Variants in ASIC2 observed in about 807,000 individuals in gnomAD.
ASIC2 encodes the protein acid sensing ion channel subunit 2, also known as acid-sensing ion channel 2.
ASIC2 carries 25 observed loss-of-function variants against 57.3 expected under a neutral mutation model. The observed-to-expected ratio is 0.44, with a 90% CI of 0.32 to 0.61. ASIC2 has a LOEUF of 0.61. Ranked by LOEUF, ASIC2 falls within the 20% of genes least tolerant of loss-of-function variation. ASIC2 has a pLI of 0.06. For synonymous variants in ASIC2, 319 were observed against 307.5 expected (o/e 1.04, Z -0.39); for missense variants, 641 against 738.1 (o/e 0.87, Z 1.52).
intron 2 of ASIC2, among the ~76,000 whole-genome samples, chr17:33,097,788 C>G (rs1487124807): frequency 6.6e-6 from 1 of 152,192 alleles, no homozygotes; most frequent in Non-Finnish European, 1.5e-5. Flanking sequence ...GTAACACGGA[C>G]CAGAGTCGCA....
In ASIC2 at chr17:33,939,759, G is replaced by A. The variant is rs188394235; in HGVS notation, c.555+216219C>T. ...AAGGTGTCCATTCACTGTTGCCCAC[G>A]GCAGAGCAGGGGTGTGGCCAGCAAT... On this transcript the variant is annotated intron_variant, in intron 1 of 9. Coordinates refer to the ASIC2 transcript ENST00000359872. Among the ~76,000 whole-genome samples, 57 of 152,320 alleles carry A rather than the reference G, an allele frequency of 3.7e-4. No homozygotes were observed. The East Asian group carries it at 5.2e-3, about 14-fold the overall frequency.
chr17:33,910,116 G>T (rs570983573), intron 1 of ASIC2, among the ~76,000 whole-genome samples: 3 of 152,286 alleles, frequency 2.0e-5, no homozygotes, highest in East Asian at 1.9e-4. Flanking sequence ...GGAAATGTTG[G>T]CTATTAATAT....
chr17:33,544,281 A>G (rs1276090044), intron 1 of ASIC2, among the ~76,000 whole-genome samples: 1 of 152,166 alleles, frequency 6.6e-6, no homozygotes, highest in Non-Finnish European at 1.5e-5. Flanking sequence ...TTGTTCGTCC[A>G]CGCACCAGCT....
At chr17:33,339,585 A>G (rs1468571139) in intron 1 of ASIC2, among the ~76,000 whole-genome samples, 1 of 152,198 alleles carries the variant, frequency 6.6e-6, no homozygotes, top group African/African-American at 2.4e-5. Flanking sequence ...TGGAGAAAGG[A>G]GTGCACAGAA....
At chr17:33,081,469 G>C (rs1168912431) in intron 3 of ASIC2, among the ~76,000 whole-genome samples, 3 of 152,160 alleles carry the variant, frequency 2.0e-5, no homozygotes, top group Non-Finnish European at 4.4e-5. Flanking sequence ...TGCTTTGATG[G>C]GGTGGAAATA....
At chr17:33,789,634 T>G (rs1911708532) in intron 1 of ASIC2, among the ~76,000 whole-genome samples, 1 of 151,940 alleles carries the variant, frequency 6.6e-6, no homozygotes, top group Non-Finnish European at 1.5e-5. Flanking sequence ...CAATCAGTAT[T>G]GTCTTTTTCC....
intron 1 of ASIC2, among the ~76,000 whole-genome samples, chr17:33,161,148 T>C (rs1021569942): frequency 5.3e-5 from 8 of 152,200 alleles, no homozygotes; most frequent in African/African-American, 1.9e-4. Context: ...AGGAATTGGC[T>C]GTCTCCTGTG....
In ASIC2 at chr17:34,156,333, T is replaced by C. The variant is rs771198028; in HGVS notation, c.200A>G (p.Tyr67Cys). 20 of 1,613,802 alleles carry C rather than the reference T, an allele frequency of 1.2e-5. No homozygotes were observed. The highest frequency in any genetic ancestry group is 3.3e-5 in the Admixed American group (2 of 60,002). The change falls in exon 1 of 10, where the codon TAC (tyrosine) becomes TGC (cysteine). Residue 67 changes from tyrosine (Y) to cysteine (C), a missense_variant. Transcript: ENST00000359872. The surrounding 1 kb of genome is among the most constrained non-coding windows in gnomAD (Gnocchi z 4.4). ...CTTAGTGACATGCTGGTAGGAGAAG[T>C]AGTAGGACACCCTCTCAGAGCTCTC...
chr17:33,620,967 G>A (rs117261310), intron 1 of ASIC2, among the ~76,000 whole-genome samples: 67 of 151,060 alleles, frequency 4.4e-4, no homozygotes, highest in South Asian at 1.0e-3. Flanking sequence ...TTCTTGCACC[G>A]CATACTTATC....
At chr17:33,698,798 T>C (rs1002640087) in intron 1 of ASIC2, among the ~76,000 whole-genome samples, 12 of 152,082 alleles carry the variant, frequency 7.9e-5, no homozygotes, top group Non-Finnish European at 1.6e-4. Context: ...GGTCTATGGC[T>C]TGGGAGAAAG....
intron 1 of ASIC2, among the ~76,000 whole-genome samples, chr17:33,662,486 T>TGGGG (rs35180488): frequency 6.7e-6 from 1 of 150,160 alleles, no homozygotes. Flanking sequence ...CCAGGTGTGG[T>TGGGG]GGGGGGGGCA....
chr17:33,090,134 T>C (rs947435411), intron 2 of ASIC2, among the ~76,000 whole-genome samples: 5 of 152,190 alleles, frequency 3.3e-5, no homozygotes, highest in African/African-American at 1.2e-4. Flanking sequence ...GCATCACTGG[T>C]ACCCACTCTG....
chr17:33,731,687 G>T (rs1172564169), intron 1 of ASIC2, among the ~76,000 whole-genome samples: 1 of 152,244 alleles, frequency 6.6e-6, no homozygotes, highest in Non-Finnish European at 1.5e-5. Context: ...AAGGTCTTCA[G>T]ATATTCCTAG....
intron 1 of ASIC2, among the ~76,000 whole-genome samples, chr17:33,494,392 C>CCTA: frequency 6.6e-6 from 1 of 152,320 alleles, no homozygotes; most frequent in Non-Finnish European, 1.5e-5. Context: ...GACTAATGAT[C>CCTA]CTAGACTCTT....
intron 1 of ASIC2, among the ~76,000 whole-genome samples, chr17:33,433,034 C>T (rs1208684405): frequency 1.3e-5 from 2 of 152,178 alleles, no homozygotes; most frequent in African/African-American, 4.8e-5. Context: ...CCATTCAACC[C>T]AGCAATCCCA....
intron 1 of ASIC2, among the ~76,000 whole-genome samples, chr17:34,034,099 A>T (rs964268788): frequency 1.3e-5 from 2 of 152,280 alleles, no homozygotes; most frequent in East Asian, 1.9e-4. Context: ...AAACATCAAT[A>T]CAAAAATTCT....
chr17:33,516,130 CAAAA>C (rs2141952118), intron 1 of ASIC2, among the ~76,000 whole-genome samples: 1 of 151,704 alleles, frequency 6.6e-6, no homozygotes, highest in East Asian at 1.9e-4. Flanking sequence ...CAAAACAAAA[CAAAA>C]CAAAACAAAA....
chr17:33,171,813 C>T (rs1905532047), intron 1 of ASIC2, among the ~76,000 whole-genome samples: 1 of 152,164 alleles, frequency 6.6e-6, no homozygotes, highest in Admixed American at 6.5e-5. Flanking sequence ...CCCTTGGGCC[C>T]CCTTTTAGTA....
intron 1 of ASIC2, among the ~76,000 whole-genome samples, chr17:34,050,018 TAGA>T (rs1464747992): frequency 6.6e-6 from 1 of 152,218 alleles, no homozygotes; most frequent in Non-Finnish European, 1.5e-5. Flanking sequence ...TGAAACAGAT[TAGA>T]AGAAGGTATG....
Sources: gnomAD v4.1 joint callset for allele counts (sites outside exome capture counted in the v4.1 genomes callset) on GRCh38, gnomAD v4.1.1 for gene constraint, Gnocchi (gnomAD v3.1) non-coding constraint, MANE v1.5 for transcripts, NCBI Gene and HGNC (gene_info 2026-07-23, HGNC 2026-07-21) for gene names.